Variants in SEC16A observed in about 807,000 individuals in gnomAD.
SEC16A encodes the protein SEC16 homolog A, endoplasmic reticulum export factor, also known as protein transport protein Sec16A.
SEC16A carries 110 observed loss-of-function variants against 221.9 expected under a neutral mutation model. The observed-to-expected ratio is 0.50, with a 90% CI of 0.42 to 0.58. The LOEUF (loss-of-function observed/expected upper bound fraction) is 0.58, where lower values mean the gene tolerates loss of function less well. Ranked by LOEUF, SEC16A falls within the 20% of genes least tolerant of loss-of-function variation. SEC16A has a pLI of 0.00. For synonymous variants in SEC16A, 1,393 were observed against 1,257.7 expected, an observed-to-expected ratio of 1.11 and a Z score of -2.28; for missense variants, 3,165 against 3,097.8, an observed-to-expected ratio of 1.02 and a Z score of -0.52.
rs368025139 is a variant in SEC16A, at chr9:136,475,576, G to A, written c.2040C>T (p.Asn680=). ...GCATGTGCACAGCTTCCGTGGTGGA[G>A]TTAAGAGGCAGGGGACAGACCTGGG... ...CAPQVCPLPL[N]STTEAVHMLP... The change falls in exon 3 of 32, where the codon AAC becomes AAT. Residue 680 remains asparagine, a synonymous_variant. Coordinates refer to ENST00000684901, the MANE Select transcript of SEC16A (RefSeq NM_014866.2). This position sits in a 1 kb window ranked among gnomAD's most constrained non-coding sequence, Gnocchi z 5.0. 1.2e-6 allele frequency: 2 copies of A among 1,613,524 alleles called. No homozygotes were observed. Among genetic ancestry groups the A allele is most frequent in the African/African-American group, 1.3e-5 (1 of 75,024 alleles).
At position 136,462,958 on chromosome 9, in the gene SEC16A, C is replaced by T. The variant is rs769145573; in HGVS notation, c.4822G>A (p.Ala1608Thr). Residue 1608 changes from alanine to threonine, a missense_variant, in exon 12 of 32, where the codon GCG becomes ACG. By Grantham distance (58) the Ala-to-Thr change is moderately conservative. Around this residue, in one of 3 missense-constraint regions of SEC16A, gnomAD observed 1,088 missense variants for 1,089.6 expected, o/e 1.00. Transcript: ENST00000684901. Reference sequence around the variant, plus strand: ...CTCTCGAGCGAGCTGGCGGCAGCCGCCGGACCACCAGTGAGGAAAGAGAGC... The same window carrying T: ...CTCTCGAGCGAGCTGGCGGCAGCCGTCGGACCACCAGTGAGGAAAGAGAGC... ...AQLSFLTGGPAAAASSLERET... is the reference protein window; with the variant it reads ...AQLSFLTGGPTAAASSLERET... The T allele has an allele frequency of 2.5e-6, 4 of 1,607,358 alleles. No homozygotes were observed. The highest frequency in any genetic ancestry group is 2.2e-5 in the South Asian group (2 of 91,088).
Position 136,448,088 on chromosome 9 carries a change from T to C in SEC16A, c.6386A>G (p.Lys2129Arg). Residue 2129 changes from lysine to arginine, a missense_variant, in exon 24 of 32, where the codon AAA becomes AGA. Coordinates refer to ENST00000684901, the MANE Select transcript of SEC16A (RefSeq NM_014866.2). ...TGCGTATTTGACAGCACTCACCGAT[T>C]TGTTCTTGTCATCTGGCAAATAAGC... ...TEAYLPDDKN[K>R]SIVWDEKKNQ... 6.2e-7 allele frequency: 1 copy of C among 1,612,468 alleles called. No individual in the cohort carries two copies. The highest frequency in any genetic ancestry group is 8.5e-7 in the Non-Finnish European group (1 of 1,179,008).
At chr9:136,479,793 A>G (rs930369050) in intron 1 of SEC16A, among the ~76,000 whole-genome samples, 2 of 151,894 alleles carry the variant, frequency 1.3e-5, no homozygotes, top group African/African-American at 4.8e-5. Flanking sequence ...GGACCACTCG[A>G]GTTCAGCAGT....
chr9:136,462,736 T>C (rs756349758), intron 12 of SEC16A, 151 bp downstream of exon 12: 4 of 820,536 alleles, frequency 4.9e-6, no homozygotes, highest in African/African-American at 3.5e-5. Context: ...GAGTCAGGCA[T>C]TGTTCAGGAA....
At position 136,459,307 on chromosome 9, in the gene SEC16A, C is replaced by T. The variant is rs1839149518; in HGVS notation, c.5304-68G>A. 1 of 1,501,182 alleles carries T rather than the reference C, an allele frequency of 6.7e-7. No homozygotes were observed. The highest frequency in any genetic ancestry group is 1.4e-5 in the African/African-American group (1 of 72,738). The allele number at this position is 1,501,182 out of a possible 1,614,324, so 93.0% of individuals were successfully genotyped here. On this transcript the variant is annotated intron_variant, in intron 16 of 31. Transcript: ENST00000684901. The surrounding 1 kb of genome is among the most constrained non-coding windows in gnomAD (Gnocchi z 6.1). ...ATTATTGGCATAGTCAACCTTGGAG[C>T]AAATCATCCAGAAGTGTGTCCCACC... is the stretch of plus-strand genomic sequence containing the variant.
At chr9:136,465,857 A>G (rs1840070909) in intron 8 of SEC16A, 105 bp downstream of exon 8, 4 of 1,181,924 alleles carry the variant, frequency 3.4e-6, no homozygotes, top group Non-Finnish European at 4.7e-6. Flanking sequence ...CCAGGCCAGG[A>G]CATCACAATT....
Position 136,466,924 on chromosome 9 carries a change from C to T in SEC16A, c.3929+33G>A. 6.2e-7 allele frequency: 1 copy of T among 1,601,772 alleles called. No individual in the cohort carries two copies. The highest frequency in any genetic ancestry group is 1.1e-5 in the South Asian group (1 of 89,588). On this transcript the variant is annotated intron_variant, in intron 6 of 31. Coordinates refer to ENST00000684901, the MANE Select transcript of SEC16A (RefSeq NM_014866.2). This position sits in a 1 kb window ranked among gnomAD's most constrained non-coding sequence, Gnocchi z 5.5. Reference sequence around the variant, plus strand: ...AGCACTAGCGCGCCCTGGCTGCCCCCAGCCTCTGCCTCCCCAGGGGTGCTC... The same window carrying T: ...AGCACTAGCGCGCCCTGGCTGCCCCTAGCCTCTGCCTCCCCAGGGGTGCTC...
At chr9:136,448,313 T>C (rs2131879565) in intron 23 of SEC16A, 152 bp from the exon 24 acceptor site, 1 of 728,294 alleles carries the variant, frequency 1.4e-6, no homozygotes, top group East Asian at 2.7e-5. Context: ...TGGGAGCAGA[T>C]CCACAGAGAC....
rs1452770047 is a variant in SEC16A, at chr9:136,475,691, T to C, written c.1925A>G (p.Gln642Arg). The C allele has an allele frequency of 6.2e-7, 1 of 1,613,706 alleles. No homozygotes were observed. Among genetic ancestry groups the C allele is most frequent in the Non-Finnish European group, 8.5e-7 (1 of 1,179,788 alleles). The change falls in exon 3 of 32, where the codon CAG (glutamine) becomes CGG (arginine). Residue 642 changes from glutamine to arginine, a missense_variant. By Grantham distance (43) the Gln-to-Arg change is conservative. Around this residue, in one of 3 missense-constraint regions of SEC16A, gnomAD observed 2,030 missense variants for 1,923.1 expected, o/e 1.06. Transcript: ENST00000684901. The surrounding 1 kb of genome is among the most constrained non-coding windows in gnomAD (Gnocchi z 5.0). ...GGCGGCAGCTGGTCTGCACTGCTTC[T>C]GGCGGACACAGGTCTCCCTTACTTC... is the stretch of plus-strand genomic sequence containing the variant. ...VGEVRETCVR[Q>R]KQCRPAAALP... is the part of the protein sequence containing the mutation.
At chr9:136,483,700 G>A (rs1366043583), upstream of SEC16A, 3 of 985,432 alleles carry the variant, frequency 3.0e-6, no homozygotes, top group Non-Finnish European at 3.6e-6. Flanking sequence ...CTCACGCACC[G>A]AGAACGGCTA....
In SEC16A at chr9:136,475,068, A is replaced by G. The variant is rs370661510; in HGVS notation, c.2548T>C (p.Ser850Pro). The change falls in exon 3 of 32, where the codon TCG becomes CCG. Residue 850 changes from serine (S) to proline (P), a missense_variant. Ser to Pro is a moderately conservative substitution (Grantham distance 74). Coordinates refer to ENST00000684901, the MANE Select transcript of SEC16A (RefSeq NM_014866.2). The surrounding 1 kb of genome is among the most constrained non-coding windows in gnomAD (Gnocchi z 5.0). ...AQPINFSVSL[S>P]NSHEKNQSWR... ...GACTGATTCTTCTCATGAGAGTTCG[A>G]TAAGGACACAGAAAAGTTAATGGGC... 2.2e-5 allele frequency: 36 copies of G among 1,613,574 alleles called. No homozygotes were observed. Among genetic ancestry groups the G allele is most frequent in the African/African-American group, 5.3e-5 (4 of 74,862 alleles).
At position 136,472,202 on chromosome 9, in the gene SEC16A, G is replaced by A. The variant is rs549832333; in HGVS notation, c.3568-91C>T. The A allele has an allele frequency of 1.6e-4, 248 of 1,504,488 alleles. 3 individuals are homozygous for A. In the Admixed American group the frequency reaches 1.7e-3, roughly 10 times the overall value. 93.2% of individuals were successfully genotyped at this position (1,504,488 alleles called of 1,614,324 possible). ...CTGAGCTGGAAACATTGCAGAGGGC[G>A]GGCAGCATTAGATACCTACCAAGAG... On this transcript the variant is annotated intron_variant, in intron 3 of 31. Transcript: ENST00000684901.
At chr9:136,455,900 C>A in intron 19 of SEC16A, 107 bp from the exon 20 acceptor site, 1 of 1,253,306 alleles carries the variant, frequency 8.0e-7, no homozygotes, top group Non-Finnish European at 1.1e-6. Flanking sequence ...GGACAGGAGG[C>A]ACTCAAAGCC....
chr9:136,443,730 G>A, intron 31 of SEC16A, 93 bp downstream of exon 31: 1 of 814,760 alleles, frequency 1.2e-6, no homozygotes, highest in Non-Finnish European at 2.1e-6. Context: ...AGAAAAAGAG[G>A]ATCTAGGGCA....
In SEC16A at chr9:136,461,236, A is replaced by G. The variant is rs548578188; in HGVS notation, c.4932T>C (p.Gly1644=). Residue 1644 remains glycine (G), a synonymous_variant, in exon 13 of 32, where the codon GGT becomes GGC. Transcript: ENST00000684901. ...TCTTACTTGCAAGTAGCAGAGCGTG[A>G]CCCCACAGGCCATTCTTCATTGCAG... ...LESAMKNGLW[G]HALLLASKMD... is the part of the protein sequence containing the mutation. The G allele has an allele frequency of 6.0e-5, 96 of 1,609,114 alleles. No individual in the cohort carries two copies. The East Asian group carries it at 1.1e-3, about 18-fold the overall frequency.
At chr9:136,467,538 G>A (rs1840310683) in intron 5 of SEC16A, among the ~76,000 whole-genome samples, 1 of 152,046 alleles carries the variant, frequency 6.6e-6, no homozygotes, top group Admixed American at 6.6e-5. Flanking sequence ...CTTTTGACTA[G>A]TTAATCCCCT....
Position 136,474,041 on chromosome 9 carries a change from A to G in SEC16A, c.3567+8T>C, listed in dbSNP as rs778820471. The G allele has an allele frequency of 2.5e-6, 4 of 1,592,912 alleles. No homozygotes were observed. Among genetic ancestry groups the G allele is most frequent in the Non-Finnish European group, 3.4e-6 (4 of 1,167,922 alleles). ...AAAAGTGGGTTACACATACGACTCG[A>G]CTCTTACCTGGTAATAGAGGGAGGC... On this transcript the variant is annotated splice_region_variant and intron_variant, in intron 3 of 31. Transcript: ENST00000684901.
chr9:136,470,485 G>A (rs1055159985), intron 4 of SEC16A, among the ~76,000 whole-genome samples: 11 of 152,248 alleles, frequency 7.2e-5, no homozygotes, highest in African/African-American at 2.7e-4. Flanking sequence ...CTCACCCGGA[G>A]CTGGAAGGCT....
At chr9:136,461,104 C>A in intron 13 of SEC16A, 73 bp downstream of exon 13, 1 of 1,193,588 alleles carries the variant, frequency 8.4e-7, no homozygotes, top group Non-Finnish European at 1.2e-6. Context: ...CGCCTGCCCC[C>A]AGGGTGCGGA....
Sources: allele counts gnomAD v4.1 joint callset (sites outside exome capture counted in the v4.1 genomes callset), GRCh38; gene constraint gnomAD v4.1.1; regional missense constraint gnomAD v4.1.1; non-coding constraint Gnocchi (gnomAD v3.1); transcripts MANE v1.5; gene names NCBI Gene and HGNC (gene_info 2026-07-23, HGNC 2026-07-21).